The following SCN11A variants were observed in gnomAD, a reference collection of about 807,000 sequenced individuals.
SCN11A encodes the protein sodium voltage-gated channel alpha subunit 11, also known as sodium channel protein type 11 subunit alpha.
Under a neutral mutation model 162.2 loss-of-function variants are expected in SCN11A, and 122 were observed. The observed-to-expected ratio is 0.75, with a 90% CI of 0.65 to 0.87. The LOEUF is 0.87. Ranked by LOEUF, SCN11A falls within the 40% of genes least tolerant of loss-of-function variation. SCN11A has a pLI of 0.00. For missense variants in SCN11A, 2,015 were observed against 2,181.6 expected (o/e 0.92, Z 1.52); for synonymous variants, 758 against 751.5 (o/e 1.01, Z -0.14).
At chr3:38,966,672 C>G (rs927218865) in intron 2 of SCN11A, among the ~76,000 whole-genome samples, 11 of 152,068 alleles carry the variant, frequency 7.2e-5, no homozygotes, top group African/African-American at 2.7e-4. Context: ...CTACAGTCAC[C>G]CTACTCTGCT....
chr3:38,948,603 T>C (rs976999270), intron 5 of SCN11A, among the ~76,000 whole-genome samples: 3 of 152,206 alleles, frequency 2.0e-5, no homozygotes, highest in Non-Finnish European at 2.9e-5. Flanking sequence ...ATCTGTAAGG[T>C]AGAGTGCTAA....
rs146271174 is a variant in SCN11A at position 38,847,120 on chromosome 3, A to G, written c.4950T>C (p.Ala1650=). Residue 1650 remains alanine, a synonymous_variant, in exon 30 of 30, where the codon GCT becomes GCC. Transcript: ENST00000302328. ...FIKYSALSDF[A]DALPEPLRVA... Reference sequence around the variant, plus strand: ...CACGCAAAGGCTCAGGCAAGGCATCAGCAAAGTCAGAAAGGGCAGAATATT... The same window carrying G: ...CACGCAAAGGCTCAGGCAAGGCATCGGCAAAGTCAGAAAGGGCAGAATATT... 276 of 1,614,252 alleles carry G rather than the reference A, an allele frequency of 1.7e-4. 4 individuals are homozygous for G. Among genetic ancestry groups the G allele is most frequent in the South Asian group, 1.7e-3 (153 of 91,082 alleles).
At chr3:38,986,967 C>T (rs1200674266) in intron 2 of SCN11A, among the ~76,000 whole-genome samples, 1 of 152,086 alleles carries the variant, frequency 6.6e-6, no homozygotes, top group Non-Finnish European at 1.5e-5. Flanking sequence ...GTACCCCTAC[C>T]CGTTTCTTTC....
chr3:38,876,778 T>C (rs995535967), intron 23 of SCN11A, among the ~76,000 whole-genome samples: 1 of 152,090 alleles, frequency 6.6e-6, no homozygotes, highest in Non-Finnish European at 1.5e-5. Context: ...ACAACCACTA[T>C]GGAAAACAAT....
chr3:38,929,572 T>C (rs2066206974), intron 7 of SCN11A, among the ~76,000 whole-genome samples: 1 of 152,220 alleles, frequency 6.6e-6, no homozygotes, highest in Non-Finnish European at 1.5e-5. Flanking sequence ...TGTCACAATT[T>C]TAATAAAAAC....
intron 7 of SCN11A, among the ~76,000 whole-genome samples, chr3:38,937,147 G>T (rs2066347762): frequency 6.6e-6 from 1 of 151,936 alleles, no homozygotes; most frequent in African/African-American, 2.4e-5. Flanking sequence ...AATAAATGGT[G>T]CTGGGAAAAC....
intron 1 of SCN11A, among the ~76,000 whole-genome samples, chr3:39,042,957 CAAAAAAAAAAAA>C (rs561204433): frequency 7.6e-5 from 5 of 66,018 alleles, no homozygotes; most frequent in Middle Eastern, 0.01. Flanking sequence ...AACTCCATCT[CAAAAAAAAAAAA>C]AAAAAAAAAA....
At chr3:39,033,443 AG>A (rs2031819041) in intron 1 of SCN11A, among the ~76,000 whole-genome samples, 2 of 152,264 alleles carry the variant, frequency 1.3e-5, no homozygotes, top group Admixed American at 1.3e-4. Flanking sequence ...CAAAGAGAAC[AG>A]AACTACAATA....
At chr3:38,910,230 G>T in intron 11 of SCN11A, 23 bp from the exon 12 acceptor site, 6 of 1,596,728 alleles carry the variant, frequency 3.8e-6, no homozygotes, top group Admixed American at 1.7e-5. Flanking sequence ...AACAAACAGA[G>T]AAATAATTAT....
chr3:38,917,589 T>G (rs931131530), intron 11 of SCN11A, among the ~76,000 whole-genome samples: 1 of 152,190 alleles, frequency 6.6e-6, no homozygotes, highest in African/African-American at 2.4e-5. Context: ...CTACATGTTC[T>G]TAGTTGTAAA....
At chr3:39,036,289 C>A (rs925688433) in intron 1 of SCN11A, among the ~76,000 whole-genome samples, 1 of 152,124 alleles carries the variant, frequency 6.6e-6, no homozygotes, top group Non-Finnish European at 1.5e-5. Context: ...GGATTATAGC[C>A]ATGCCCCACC....
intron 7 of SCN11A, among the ~76,000 whole-genome samples, chr3:38,935,264 A>G (rs1223103187): frequency 6.6e-6 from 1 of 152,190 alleles, no homozygotes; most frequent in East Asian, 1.9e-4. Flanking sequence ...AATGCCCACA[A>G]GAGAAAGCAG....
chr3:38,926,977 G>C (rs1437576589), intron 7 of SCN11A, 46 bp from the exon 8 acceptor site: 37 of 1,568,164 alleles, frequency 2.4e-5, no homozygotes, highest in Non-Finnish European at 3.1e-5. Context: ...GATAAACAAT[G>C]TGAAAAGCAA....
Position 38,950,069 on chromosome 3 carries a change from A to AACCCC in SCN11A, c.267+26_267+27insGGGGT. The AACCCC allele has an allele frequency of 4.6e-5, 3 of 65,030 alleles. 1 individual carries two copies. Among genetic ancestry groups the AACCCC allele is most frequent in the Non-Finnish European group, 9.3e-5 (3 of 32,238 alleles). 4.0% of individuals were successfully genotyped at this position (65,030 alleles called of 1,614,324 possible). On this transcript the variant is annotated intron_variant, in intron 5 of 29. Transcript: ENST00000302328. ...GCATGGTTAGAACACCCCCACCCCC[A>AACCCC]CCCCCCCCCCCCGCCCAATGAAGTA...
chr3:38,884,954 G>A (rs1157354946), intron 21 of SCN11A, among the ~76,000 whole-genome samples: 2 of 152,162 alleles, frequency 1.3e-5, no homozygotes, highest in Non-Finnish European at 2.9e-5. Context: ...TCTTTTCTTG[G>A]TCTTTCACCT....
chr3:38,884,251 T>G (rs1250923363), intron 21 of SCN11A, among the ~76,000 whole-genome samples: 8 of 151,812 alleles, frequency 5.3e-5, no homozygotes, highest in Non-Finnish European at 4.4e-5. Flanking sequence ...TCCTCCCTTC[T>G]TTGATAAAAC....
rs570171414 is a variant in SCN11A at position 38,907,797 on chromosome 3, T to C, written c.1473+152A>G. ...TTGATGTTTACAAATAAATGGATAA[T>C]TGAAAAGACACATGGATGCATGAAA... On this transcript the variant is annotated intron_variant, in intron 14 of 29. Coordinates refer to ENST00000302328, the MANE Select transcript of SCN11A (RefSeq NM_001349253.2). 17 of 679,248 alleles carry C rather than the reference T, an allele frequency of 2.5e-5. No individual in the cohort carries two copies. The African/African-American group carries it at 2.9e-4, about 12-fold the overall frequency. The allele number at this position is 679,248 out of a possible 1,614,324, so 42.1% of individuals were successfully genotyped here.
chr3:38,847,497 C>G lies in SCN11A; in HGVS notation c.4573G>C (p.Glu1525Gln). 1 of 1,614,184 alleles carries G rather than the reference C, an allele frequency of 6.2e-7. No individual in the cohort carries two copies. Among genetic ancestry groups the G allele is most frequent in the Non-Finnish European group, 8.5e-7 (1 of 1,180,024 alleles). The change falls in exon 30 of 30, where the codon GAG becomes CAG. Residue 1525 changes from glutamate (E) to glutamine (Q), a missense_variant. By Grantham distance (29) the Glu-to-Gln change is conservative. Transcript: ENST00000302328. The stretch of plus-strand genomic sequence containing the variant: ...TTGAATATGTCATCGATTCCAGACT[C>G]TGGATTCACTTTGGAAAACCAGTTC... ...GMNWFSKVNP[E>Q]SGIDDIFNFK...
intron 2 of SCN11A, among the ~76,000 whole-genome samples, chr3:38,995,317 T>C (rs1320256336): frequency 6.6e-6 from 1 of 152,116 alleles, no homozygotes; most frequent in African/African-American, 2.4e-5. Context: ...AGACAGGGTT[T>C]CACCATGGTA....
Sources: allele counts gnomAD v4.1 joint callset (sites outside exome capture counted in the v4.1 genomes callset), GRCh38; gene constraint gnomAD v4.1.1; transcripts MANE v1.5; gene names NCBI Gene and HGNC (gene_info 2026-07-23, HGNC 2026-07-21).